Variants in STS observed in about 807,000 individuals in gnomAD.
STS encodes the protein steroid sulfatase.
In STS, 7 loss-of-function variants were observed where a neutral mutation model predicts 26.8. That is an observed-to-expected ratio of 0.26 (90% confidence interval 0.15 to 0.49). The LOEUF (loss-of-function observed/expected upper bound fraction) is 0.49. STS is among the 20% of genes least tolerant of loss of function. STS has a pLI of 0.98. For synonymous variants in STS, 199 were observed against 189.4 expected, an observed-to-expected ratio of 1.05 and a Z score of -0.42; for missense variants, 434 against 465.6, an observed-to-expected ratio of 0.93 and a Z score of 0.63.
chrX:7,274,803 A>G (rs901365635), intron 6 of STS, among the ~76,000 whole-genome samples: 9 of 112,276 alleles, frequency 8.0e-5, no homozygotes, highest in Non-Finnish European at 1.7e-4. Context: ...TGTTCTATTT[A>G]ACTTTGAAAA....
Position 7,276,053 on chromosome X carries a change from C to T in STS, c.909C>T (p.Tyr303=), listed in dbSNP as rs775564829. ...DFAGKSQHGV[Y]GDAVEEMDWS... is the part of the protein sequence containing the mutation. ...CTGGCAAAAGTCAACACGGAGTCTA[C>T]GGGGATGCTGTTGAGGAAATGGACT... The change falls in exon 7 of 11, where the codon TAC becomes TAT. Residue 303 remains tyrosine, a synonymous_variant. Coordinates refer to ENST00000674429, the MANE Select transcript of STS (RefSeq NM_001320752.2). The T allele has an allele frequency of 5.0e-6, 6 of 1,203,088 alleles. No homozygotes were observed. The highest frequency in any genetic ancestry group is 3.0e-5 in the East Asian group (1 of 33,467).
chrX:7,212,759 T>C (rs1296453556), intron 2 of STS, among the ~76,000 whole-genome samples: 1 of 112,133 alleles, frequency 8.9e-6, no homozygotes, highest in African/African-American at 3.2e-5. Context: ...GGCTGACAAG[T>C]ACTGTACTTT....
intron 1 of STS, among the ~76,000 whole-genome samples, chrX:7,182,343 G>A (rs768918864): frequency 1.8e-5 from 2 of 109,340 alleles, no homozygotes; most frequent in South Asian, 4.0e-4. Flanking sequence ...CTTCTTGAGC[G>A]AATTCTGTTC....
intron 8 of STS, among the ~76,000 whole-genome samples, chrX:7,324,588 T>C (rs1383557743): frequency 9.0e-6 from 1 of 111,686 alleles, no homozygotes; most frequent in South Asian, 3.8e-4. Flanking sequence ...TGGTATCTTA[T>C]GGCTACAAAC....
At chrX:7,270,646 CT>C (rs746204072) in intron 6 of STS, among the ~76,000 whole-genome samples, 1 of 111,991 alleles carries the variant, frequency 8.9e-6, no homozygotes, top group East Asian at 2.8e-4. Context: ...GATGTCACCC[CT>C]ATAGAATAAA....
At chrX:7,286,739 C>T (rs1925152517) in intron 7 of STS, among the ~76,000 whole-genome samples, 1 of 111,527 alleles carries the variant, frequency 9.0e-6, no homozygotes, top group Non-Finnish European at 1.9e-5. Flanking sequence ...GTTTAAAAAC[C>T]GCCAGTTACA....
chrX:7,353,350 A>G lies in STS; in HGVS notation c.*3089A>G, dbSNP rs1426266349. 1 of 111,769 alleles carries G rather than the reference A, an allele frequency of 8.9e-6. No individual in the cohort carries two copies. Among genetic ancestry groups the G allele is most frequent in the Non-Finnish European group, 1.9e-5 (1 of 53,205 alleles). 9.2% of individuals were successfully genotyped at this position (111,769 alleles called of 1,213,427 possible). On this transcript the variant is annotated 3_prime_UTR_variant, in exon 11 of 11. Coordinates refer to ENST00000674429, the MANE Select transcript of STS (RefSeq NM_001320752.2). ...GGGGCCTACAAAAATGTTTTATTTTATAATCAGAAGAAAAGGAAATGAACA... is the reference window on the plus strand; with the variant it reads ...GGGGCCTACAAAAATGTTTTATTTTGTAATCAGAAGAAAAGGAAATGAACA...
At chrX:7,148,141 G>T (rs1164251545) in intron 1 of STS, 58 bp downstream of exon 1, 21 of 1,067,016 alleles carry the variant, frequency 2.0e-5, no homozygotes, top group Non-Finnish European at 2.5e-5. Context: ...CTGGGTGGGG[G>T]CGAGGAGGAA....
intron 2 of STS, among the ~76,000 whole-genome samples, chrX:7,205,067 G>A (rs1934179069): frequency 8.9e-6 from 1 of 111,863 alleles, no homozygotes. Context: ...GCTTGGGCAT[G>A]TGTGGTACCC....
Position 7,257,274 on chromosome X carries a change from G to C in STS, c.170G>C (p.Gly57Ala). Reference protein sequence around the residue: ...TPNIDRLASGGVKLTQHLAAS... With the variant: ...TPNIDRLASGAVKLTQHLAAS... ...AATATCGACCGGTTGGCCAGTGGGG[G>C]AGTGAAACTCACTCAGCACCTGGCA... Residue 57 changes from glycine (G) to alanine (A), a missense_variant, in exon 4 of 11, where the codon GGA (glycine) becomes GCA (alanine). By Grantham distance (60) the Gly-to-Ala change is moderately conservative. Around this residue, in one of 2 missense-constraint regions of STS, gnomAD observed 229 missense variants for 288.3 expected, o/e 0.79. Transcript: ENST00000674429. 8.3e-7 allele frequency: 1 copy of C among 1,211,418 alleles called. No homozygotes were observed. The highest frequency in any genetic ancestry group is 1.1e-6 in the Non-Finnish European group (1 of 895,346).
intron 1 of STS, among the ~76,000 whole-genome samples, chrX:7,188,198 A>G (rs1601637925): frequency 9.0e-6 from 1 of 111,385 alleles, no homozygotes; most frequent in East Asian, 2.8e-4. Context: ...CACCCCTAAA[A>G]CCTATTTGCC....
chrX:7,336,462 C>T (rs1928034534), intron 10 of STS, among the ~76,000 whole-genome samples: 1 of 111,700 alleles, frequency 9.0e-6, no homozygotes, highest in Non-Finnish European at 1.9e-5. Flanking sequence ...GAAATCACAC[C>T]AGGTTTATGC....
intron 10 of STS, among the ~76,000 whole-genome samples, chrX:7,342,847 T>C (rs1171770908): frequency 9.0e-6 from 1 of 111,473 alleles, no homozygotes; most frequent in African/African-American, 3.3e-5. Context: ...AATCTTTGGG[T>C]GTAAGAAAAG....
At chrX:7,340,072 A>G (rs1387622902) in intron 10 of STS, among the ~76,000 whole-genome samples, 5 of 108,962 alleles carry the variant, frequency 4.6e-5, no homozygotes, top group African/African-American at 6.7e-5. Context: ...AAAAAAAAAA[A>G]GCGCCAAAAA....
At chrX:7,188,931 G>A (rs1368370470) in intron 1 of STS, among the ~76,000 whole-genome samples, 1 of 111,035 alleles carries the variant, frequency 9.0e-6, no homozygotes, top group African/African-American at 3.3e-5. Flanking sequence ...GATCAATGTT[G>A]ACAGCACACT....
chrX:7,336,189 T>C (rs1479180479), intron 10 of STS, among the ~76,000 whole-genome samples: 2 of 110,461 alleles, frequency 1.8e-5, no homozygotes, highest in African/African-American at 6.6e-5. Context: ...AAAATGAAAT[T>C]CCCCTTTTCT....
intron 8 of STS, among the ~76,000 whole-genome samples, chrX:7,315,232 A>G (rs1926659317): frequency 1.8e-5 from 2 of 112,448 alleles, no homozygotes; most frequent in African/African-American, 6.5e-5. Context: ...GTTTGTTCTC[A>G]AATACTGTTG....
chrX:7,292,522 C>T (rs1925471120), intron 7 of STS, among the ~76,000 whole-genome samples: 1 of 112,053 alleles, frequency 8.9e-6, no homozygotes, highest in Admixed American at 9.5e-5. Flanking sequence ...CAGCGAACTA[C>T]ACATAATATG....
Position 7,251,205 on chromosome X carries a change from A to T in STS, c.-4-1991A>T, listed in dbSNP as rs1428465470. 2.7e-5 allele frequency among the ~76,000 whole-genome samples: 3 copies of T among 111,462 alleles called. No homozygotes were observed. In the Admixed American group the frequency reaches 2.9e-4, roughly 11 times the overall value. Reference sequence around the variant, plus strand: ...CATCCCCCATCCAGCCTCTGTAATTATGTGGGGTTGTGTTCCTGATTCTGA... The same window carrying T: ...CATCCCCCATCCAGCCTCTGTAATTTTGTGGGGTTGTGTTCCTGATTCTGA... On this transcript the variant is annotated intron_variant, in intron 2 of 10. Transcript: ENST00000674429.
Sources: allele counts gnomAD v4.1 joint callset (sites outside exome capture counted in the v4.1 genomes callset), GRCh38; gene constraint gnomAD v4.1.1; regional missense constraint gnomAD v4.1.1; transcripts MANE v1.5; gene names NCBI Gene and HGNC (gene_info 2026-07-23, HGNC 2026-07-21).